RIPK1: variants seen among roughly 807,000 people sequenced by gnomAD.
RIPK1 encodes receptor-interacting serine/threonine-protein kinase 1.
Under a neutral mutation model 62.4 loss-of-function variants are expected in RIPK1, and 27 were observed. That is an observed-to-expected ratio of 0.43 (90% CI 0.32 to 0.60). The LOEUF (loss-of-function observed/expected upper bound fraction) is 0.60. Ranked by LOEUF, RIPK1 falls within the 20% of genes least tolerant of loss-of-function variation. The probability of loss-of-function intolerance (pLI) is 0.07; values close to 1 mark genes in which losing one functional copy is unlikely to be tolerated. For synonymous variants in RIPK1, 287 were observed against 303.2 expected (o/e 0.95, Z 0.55); for missense variants, 735 against 831.0 (o/e 0.88, Z 1.42).
At chr6:3,085,582 C>T (rs1296474220) in intron 6 of RIPK1, among the ~76,000 whole-genome samples, 174 bp downstream of exon 6, 1 of 152,254 alleles carries the variant, frequency 6.6e-6, no homozygotes, top group African/African-American at 2.4e-5. Flanking sequence ...AGCCCTCTCT[C>T]TCAAAAGCAT....
Position 3,113,362 on chromosome 6 carries a change from G to C in RIPK1, c.*23G>C. 1 of 1,600,260 alleles carries C rather than the reference G, an allele frequency of 6.2e-7. No homozygotes were observed. The highest frequency in any genetic ancestry group is 8.5e-7 in the Non-Finnish European group (1 of 1,171,798). ...TAACCCTGGATGGGCTACGGCAGCT[G>C]AAGTGGACGCCTCACTTAGTGGATA... is the stretch of plus-strand genomic sequence containing the variant. On this transcript the variant is annotated 3_prime_UTR_variant, in exon 11 of 11. Transcript: ENST00000259808. The surrounding 1 kb of genome is among the most constrained non-coding windows in gnomAD (Gnocchi z 5.0).
upstream of RIPK1, chr6:3,068,058 T>G: frequency 6.8e-6 from 2 of 292,868 alleles, no homozygotes; most frequent in Non-Finnish European, 1.0e-5. Context: ...GTGCATATAA[T>G]TTTATTATTT....
intron 5 of RIPK1, among the ~76,000 whole-genome samples, chr6:3,084,311 C>T (rs1278509220): frequency 6.6e-6 from 1 of 152,178 alleles, no homozygotes; most frequent in South Asian, 2.1e-4. Context: ...GTTCGAATTC[C>T]TCAGCGTGGA....
At chr6:3,070,640 G>A (rs1240085080) in intron 1 of RIPK1, among the ~76,000 whole-genome samples, 1 of 151,620 alleles carries the variant, frequency 6.6e-6, no homozygotes, top group Non-Finnish European at 1.5e-5. Context: ...GCTTCACCAC[G>A]TTGGCCAATC....
intron 9 of RIPK1, among the ~76,000 whole-genome samples, chr6:3,109,877 C>T (rs1477509658): frequency 2.0e-5 from 3 of 152,204 alleles, no homozygotes; most frequent in Non-Finnish European, 4.4e-5. Flanking sequence ...GTGAGTGGAA[C>T]CATGCAGCAT....
At chr6:3,107,936 A>G (rs1378481218) in intron 9 of RIPK1, among the ~76,000 whole-genome samples, 1 of 151,842 alleles carries the variant, frequency 6.6e-6, no homozygotes, top group Non-Finnish European at 1.5e-5. Flanking sequence ...TTCTGCTCCC[A>G]AAGATGATCC....
chr6:3,083,163 G>A lies in RIPK1; in HGVS notation c.538G>A (p.Asp180Asn), dbSNP rs1228662868. The A allele has an allele frequency of 1.2e-6, 2 of 1,614,056 alleles. No individual in the cohort carries two copies. Among genetic ancestry groups the A allele is most frequent in the Non-Finnish European group, 8.5e-7 (1 of 1,179,982 alleles). ...AGAGCACAATGAGCTGAGGGAAGTG[G>A]ACGGCACCGCTAAGAAGAATGGCGG... Reference protein sequence around the residue: ...NEEHNELREVDGTAKKNGGTL... With the variant: ...NEEHNELREVNGTAKKNGGTL... The change falls in exon 5 of 11, where the codon GAC (aspartate) becomes AAC (asparagine). Residue 180 changes from aspartate (D) to asparagine (N), a missense_variant. Transcript: ENST00000259808.
chr6:3,099,425 T>C (rs1030770323), intron 7 of RIPK1, among the ~76,000 whole-genome samples: 1 of 152,156 alleles, frequency 6.6e-6, no homozygotes, highest in Non-Finnish European at 1.5e-5. Flanking sequence ...GCACCTGCAG[T>C]CCCAGCTACT....
chr6:3,081,178 A>ACGAG, intron 4 of RIPK1, 62 bp downstream of exon 4: 1 of 1,575,252 alleles, frequency 6.3e-7, no homozygotes, highest in South Asian at 1.1e-5. Context: ...TCTCCAATGT[A>ACGAG]AATCCATTCT....
Position 3,110,940 on chromosome 6 carries a change from T to C in RIPK1, c.1714T>C (p.Tyr572His). ...TNFKEEPAAK[Y>H]QAIFDNTTSL... is the part of the protein sequence containing the mutation. ...CTTCAAAGAAGAGCCAGCTGCTAAG[T>C]ACCAAGCTATCTTTGGTAAGATACC... Residue 572 changes from tyrosine (Y) to histidine (H), a missense_variant, in exon 10 of 11, where the codon TAC (tyrosine) becomes CAC (histidine). This residue lies in a region of RIPK1 where 671 missense variants were observed against 726.2 expected (regional missense o/e 0.92). Transcript: ENST00000259808. The C allele has an allele frequency of 6.2e-7, 1 of 1,611,848 alleles. No individual in the cohort carries two copies. Among genetic ancestry groups the C allele is most frequent in the South Asian group, 1.1e-5 (1 of 90,536 alleles).
intron 1 of RIPK1, among the ~76,000 whole-genome samples, chr6:3,076,049 G>A (rs1581383949): frequency 6.6e-6 from 1 of 152,220 alleles, no homozygotes; most frequent in South Asian, 2.1e-4. Flanking sequence ...GGCGAGGTTG[G>A]CACTCCCCTG....
At chr6:3,064,829 T>C (rs1459776251), upstream of RIPK1, among the ~76,000 whole-genome samples, 1 of 152,138 alleles carries the variant, frequency 6.6e-6, no homozygotes, top group Non-Finnish European at 1.5e-5. Context: ...GTGGAGGCTG[T>C]GACCTCAGTG....
intron 3 of RIPK1, among the ~76,000 whole-genome samples, chr6:3,080,702 G>A (rs773910258): frequency 6.6e-6 from 1 of 151,946 alleles, no homozygotes. Context: ...ATATATTTTT[G>A]TTCTCAAGGA....
intron 1 of RIPK1, among the ~76,000 whole-genome samples, chr6:3,071,059 C>T (rs554387415): frequency 6.6e-6 from 1 of 152,322 alleles, no homozygotes; most frequent in South Asian, 2.1e-4. Flanking sequence ...CAATTCTTGT[C>T]TCTTGCTGGT....
chr6:3,107,399 A>AT (rs1760907527), intron 9 of RIPK1, among the ~76,000 whole-genome samples: 1 of 147,232 alleles, frequency 6.8e-6, no homozygotes, highest in African/African-American at 2.5e-5. Context: ...TACTAAAAAT[A>AT]CAAAAAAAAA....
intron 6 of RIPK1, among the ~76,000 whole-genome samples, chr6:3,088,238 C>T (rs1364841430): frequency 6.6e-6 from 1 of 152,216 alleles, no homozygotes; most frequent in Admixed American, 6.5e-5. Context: ...GAAGTTCAGC[C>T]TCTCGACTCA....
chr6:3,078,587 G>A (rs1284102729), intron 3 of RIPK1, among the ~76,000 whole-genome samples: 2 of 152,210 alleles, frequency 1.3e-5, no homozygotes, highest in Non-Finnish European at 2.9e-5. Flanking sequence ...ATGATGGGAT[G>A]ACATTAAATA....
At chr6:3,100,321 G>A (rs1451933211) in intron 7 of RIPK1, among the ~76,000 whole-genome samples, 1 of 152,072 alleles carries the variant, frequency 6.6e-6, no homozygotes, top group Non-Finnish European at 1.5e-5. Flanking sequence ...CTACTCAGGA[G>A]GCTGAGGCAT....
chr6:3,110,983 C>A (rs750189738), intron 10 of RIPK1, 28 bp downstream of exon 10: 1 of 1,538,750 alleles, frequency 6.5e-7, no homozygotes, highest in Admixed American at 1.9e-5. Context: ...GACTCAACGC[C>A]TAGCAACCTT....
Sources: allele counts gnomAD v4.1 joint callset (sites outside exome capture counted in the v4.1 genomes callset), GRCh38; gene constraint gnomAD v4.1.1; regional missense constraint gnomAD v4.1.1; non-coding constraint Gnocchi (gnomAD v3.1); transcripts MANE v1.5; gene names NCBI Gene and HGNC (gene_info 2026-07-23, HGNC 2026-07-21).